CCDC30: variants seen among roughly 807,000 people sequenced by gnomAD.
The protein encoded by CCDC30 is coiled-coil domain containing 30.
Under a neutral mutation model 100.2 loss-of-function variants are expected in CCDC30, and 70 were observed. The ratio of observed to expected loss-of-function variants is 0.70; its 90% CI spans 0.58 to 0.85. CCDC30 has a LOEUF of 0.85. Among genes scored for constraint, CCDC30 ranks in the 40% least tolerant of loss-of-function variants. CCDC30 has a pLI of 0.00. For synonymous variants in CCDC30, 233 were observed against 269.5 expected, an observed-to-expected ratio of 0.86 and a Z score of 1.33; for missense variants, 652 against 771.2, an observed-to-expected ratio of 0.85 and a Z score of 1.83.
chr1:42,641,085 G>A (rs1647349919), intron 12 of CCDC30, among the ~76,000 whole-genome samples: 1 of 151,830 alleles, frequency 6.6e-6, no homozygotes, highest in Admixed American at 6.6e-5. Flanking sequence ...GCAAGACCCT[G>A]TTTCTACTAT....
At chr1:42,577,566 G>C (rs72660002) in intron 8 of CCDC30, among the ~76,000 whole-genome samples, 19,609 of 152,136 alleles carry the variant, frequency 0.13, 1,458 homozygotes, top group East Asian at 0.17. Context: ...TGTAAATGTT[G>C]TTTTAATTTT....
chr1:42,465,991 T>C (rs966222933), intron 1 of CCDC30, among the ~76,000 whole-genome samples: 1 of 152,236 alleles, frequency 6.6e-6, no homozygotes, highest in Non-Finnish European at 1.5e-5. Context: ...TTTTAAACAT[T>C]TTTTACATTG....
upstream of CCDC30, chr1:42,460,463 G>C: frequency 1.2e-6 from 1 of 805,478 alleles, no homozygotes; most frequent in Non-Finnish European, 1.5e-6. Context: ...AGGAAAGAAG[G>C]ATACCTCCCT....
intron 6 of CCDC30, among the ~76,000 whole-genome samples, chr1:42,502,938 C>T (rs1644343252): frequency 6.6e-6 from 1 of 152,166 alleles, no homozygotes; most frequent in South Asian, 2.1e-4. Flanking sequence ...CTCTGTCACC[C>T]AGGCTGGAGT....
intron 10 of CCDC30, among the ~76,000 whole-genome samples, chr1:42,604,390 G>A (rs557523332): frequency 6.6e-6 from 1 of 152,112 alleles, no homozygotes; most frequent in African/African-American, 2.4e-5. Flanking sequence ...TCCATCAATA[G>A]CCCTCACTCC....
At chr1:42,461,703 C>T (rs553564524), upstream of CCDC30, among the ~76,000 whole-genome samples, 6 of 152,182 alleles carry the variant, frequency 3.9e-5, no homozygotes, top group South Asian at 4.2e-4. Flanking sequence ...CCCGCCACCA[C>T]GCCCAGCTAA....
At chr1:42,484,133 T>TA (rs897613042) in intron 3 of CCDC30, among the ~76,000 whole-genome samples, 14 of 143,356 alleles carry the variant, frequency 9.8e-5, no homozygotes, top group African/African-American at 2.7e-4. Flanking sequence ...CAAATAATAA[T>TA]AAAAAAAAGA....
At chr1:42,480,661 T>A in intron 2 of CCDC30, 95 bp downstream of exon 2, 1 of 969,912 alleles carries the variant, frequency 1.0e-6, no homozygotes, top group Non-Finnish European at 1.2e-6. Context: ...AAGAAGAAAT[T>A]GGAACAAATC....
At chr1:42,510,235 C>A in intron 6 of CCDC30, 1 of 551,276 alleles carries the variant, frequency 1.8e-6, no homozygotes, top group Non-Finnish European at 2.3e-6. Flanking sequence ...TCCTTTTGAC[C>A]TACCATAGGA....
At chr1:42,532,775 T>C (rs1644826601) in intron 6 of CCDC30, among the ~76,000 whole-genome samples, 1 of 152,198 alleles carries the variant, frequency 6.6e-6, no homozygotes, top group Admixed American at 6.5e-5. Context: ...TATTTATTTA[T>C]TTATTTTTTG....
chr1:42,500,034 G>A (rs1358125346), intron 6 of CCDC30, among the ~76,000 whole-genome samples: 1 of 152,184 alleles, frequency 6.6e-6, no homozygotes, highest in Non-Finnish European at 1.5e-5. Context: ...ACAGATGGGA[G>A]AGACAGGCAC....
At chr1:42,641,549 TAAAAAAACAAAAAAACAA>T (rs1489884885) in intron 12 of CCDC30, among the ~76,000 whole-genome samples, 1 of 148,224 alleles carries the variant, frequency 6.7e-6, no homozygotes, top group South Asian at 2.2e-4. Context: ...AGATCCTGTC[TAAAAAAACAAAAAAACAA>T]AAAAAAACAA....
intron 10 of CCDC30, among the ~76,000 whole-genome samples, chr1:42,600,085 A>G (rs1490426978): frequency 6.6e-6 from 1 of 152,176 alleles, no homozygotes; most frequent in Admixed American, 6.5e-5. Context: ...AACCACCCCC[A>G]TGATCCAATC....
At chr1:42,544,810 A>G (rs977318412) in intron 6 of CCDC30, among the ~76,000 whole-genome samples, 1 of 152,140 alleles carries the variant, frequency 6.6e-6, no homozygotes, top group East Asian at 1.9e-4. Flanking sequence ...CCCGGCCAAG[A>G]CTGCGCTTTT....
At chr1:42,625,317 A>G (rs1349061940) in intron 11 of CCDC30, among the ~76,000 whole-genome samples, 1 of 144,172 alleles carries the variant, frequency 6.9e-6, no homozygotes, top group Non-Finnish European at 1.6e-5. Context: ...TTTCAAAAAA[A>G]CAACTTTTTG....
At chr1:42,506,748 T>C (rs1180713543) in intron 6 of CCDC30, among the ~76,000 whole-genome samples, 1 of 152,222 alleles carries the variant, frequency 6.6e-6, no homozygotes, top group Non-Finnish European at 1.5e-5. Flanking sequence ...AGTTTGATTT[T>C]TGGAAGCCTG....
intron 15 of CCDC30, 149 bp from the exon 20 acceptor site, chr1:42,653,227 C>T (rs1648505525): frequency 2.3e-6 from 1 of 437,934 alleles, no homozygotes; most frequent in African/African-American, 2.1e-5. Flanking sequence ...GAGAGGGCAA[C>T]CAGCTTTTCA....
At position 42,497,531 on chromosome 1, in the gene CCDC30, T is replaced by G. The variant is rs146084985; in HGVS notation, c.357+318T>G. On this transcript the variant is annotated intron_variant, in intron 5 of 16. Coordinates refer to ENST00000668663, the Ensembl canonical transcript of CCDC30. ...GAAAATATTACTCTATTATATTGGA[T>G]AAGTTTAAGATTATTAATACTAAAT... Among the ~76,000 whole-genome samples the G allele has an allele frequency of 7.3e-3, 1,117 of 152,332 alleles. 22 individuals are homozygous for G. The highest frequency in any genetic ancestry group is 0.026 in the African/African-American group (1,078 of 41,578).
chr1:42,475,582 C>T (rs370252745), intron 1 of CCDC30, among the ~76,000 whole-genome samples: 1 of 151,912 alleles, frequency 6.6e-6, no homozygotes, highest in Non-Finnish European at 1.5e-5. Flanking sequence ...AATGTATGCT[C>T]TTATAAAGAA....
Sources: allele counts gnomAD v4.1 joint callset (sites outside exome capture counted in the v4.1 genomes callset), GRCh38; gene constraint gnomAD v4.1.1; transcripts MANE v1.5; gene names NCBI Gene and HGNC (gene_info 2026-07-23, HGNC 2026-07-21).